The following NKAIN3 variants were observed in gnomAD, a reference collection of about 807,000 sequenced individuals.
NKAIN3 encodes sodium/potassium-transporting ATPase subunit beta-1-interacting protein 3.
NKAIN3 carries 25 observed loss-of-function variants against 30.2 expected under a neutral mutation model. The ratio of observed to expected loss-of-function variants is 0.83; its 90% CI spans 0.60 to 1.16. NKAIN3 has a LOEUF of 1.16. NKAIN3 is among the 50% of genes most tolerant of loss of function. The pLI, the probability that NKAIN3 is intolerant of heterozygous loss-of-function variation, is 0.00. For synonymous variants in NKAIN3, 91 were observed against 89.6 expected (o/e 1.02, Z -0.09); for missense variants, 225 against 254.1 (o/e 0.89, Z 0.78).
chr8:62,495,490 G>A (rs530074730), intron 1 of NKAIN3, among the ~76,000 whole-genome samples: 2 of 151,090 alleles, frequency 1.3e-5, no homozygotes, highest in African/African-American at 4.8e-5. Context: ...TGGTTAAAGT[G>A]TTATGAAGAA....
intron 1 of NKAIN3, among the ~76,000 whole-genome samples, chr8:62,276,674 A>G (rs545908525): frequency 2.0e-5 from 3 of 152,202 alleles, no homozygotes; most frequent in Non-Finnish European, 4.4e-5. Context: ...CTTTTTCAAG[A>G]TAGAAAAAAG....
At chr8:62,557,163 G>T (rs529380709) in intron 1 of NKAIN3, among the ~76,000 whole-genome samples, 2 of 152,114 alleles carry the variant, frequency 1.3e-5, no homozygotes, top group East Asian at 3.9e-4. Context: ...TATGATGTTT[G>T]GTTTTCCATT....
chr8:62,424,127 A>G (rs1476321013), intron 1 of NKAIN3, among the ~76,000 whole-genome samples: 2 of 152,028 alleles, frequency 1.3e-5, no homozygotes, highest in African/African-American at 2.4e-5. Flanking sequence ...GAAGAATGAA[A>G]TCGGACCATT....
intron 1 of NKAIN3, among the ~76,000 whole-genome samples, chr8:62,561,986 C>G (rs1281477858): frequency 6.6e-6 from 1 of 152,036 alleles, no homozygotes; most frequent in Non-Finnish European, 1.5e-5. Flanking sequence ...TGGATTCTTC[C>G]TGGAAGCAAG....
At chr8:62,868,249 C>G (rs1372339409) in intron 4 of NKAIN3, among the ~76,000 whole-genome samples, 1 of 152,070 alleles carries the variant, frequency 6.6e-6, no homozygotes, top group Non-Finnish European at 1.5e-5. Context: ...GGCATAAGAA[C>G]TTTAATGAAA....
Position 62,320,759 on chromosome 8 carries a change from C to T in NKAIN3, c.54+71632C>T, listed in dbSNP as rs370595327. ...ATCCCGACCTTTCTCTCTGTTTGCC[C>T]TTAACATTTTTTCCTTCATTTCAAC... On this transcript the variant is annotated intron_variant, in intron 1 of 6. Coordinates refer to ENST00000623646, the MANE Select transcript of NKAIN3 (RefSeq NM_001304533.3). Among the ~76,000 whole-genome samples the T allele has an allele frequency of 2.6e-5, 4 of 152,280 alleles. No individual in the cohort carries two copies. The East Asian group carries it at 5.8e-4, about 22-fold the overall frequency.
intron 4 of NKAIN3, among the ~76,000 whole-genome samples, chr8:62,911,757 C>T (rs192823804): frequency 1.6e-3 from 251 of 152,138 alleles, no homozygotes; most frequent in African/African-American, 5.7e-3. Context: ...GAAGTAAGTT[C>T]TCCAAAGTAA....
chr8:62,345,298 T>TATATACACATATATGTATATATACAC (rs1356364594), intron 1 of NKAIN3, among the ~76,000 whole-genome samples: 71 of 131,844 alleles, frequency 5.4e-4, no homozygotes, highest in African/African-American at 1.9e-3. Flanking sequence ...TATACACACA[T>TATATACACATATATGTATATATACAC]ATATATGTAT....
intron 3 of NKAIN3, among the ~76,000 whole-genome samples, chr8:62,741,742 C>G (rs1318747941): frequency 6.6e-6 from 1 of 152,258 alleles, no homozygotes; most frequent in East Asian, 1.9e-4. Flanking sequence ...TATGATGGCT[C>G]CATGTCAGGT....
chr8:62,724,137 C>T (rs919173670), intron 3 of NKAIN3, among the ~76,000 whole-genome samples: 31 of 152,014 alleles, frequency 2.0e-4, no homozygotes, highest in African/African-American at 7.0e-4. Flanking sequence ...TTTTTAAGCA[C>T]GGTTCATTTC....
chr8:62,807,967 A>G (rs1358037535), intron 4 of NKAIN3, among the ~76,000 whole-genome samples: 1 of 152,078 alleles, frequency 6.6e-6, no homozygotes, highest in East Asian at 1.9e-4. Flanking sequence ...AAAGAAAATT[A>G]TTTTCAAATT....
At chr8:62,594,779 T>TCCTTCCTCCCTC (rs1189672584) in intron 3 of NKAIN3, among the ~76,000 whole-genome samples, 48 of 151,638 alleles carry the variant, frequency 3.2e-4, no homozygotes, top group African/African-American at 1.1e-3. Flanking sequence ...TTCTTTCTTT[T>TCCTTCCTCCCTC]CCTTCCTTCC....
intron 5 of NKAIN3, among the ~76,000 whole-genome samples, chr8:62,926,338 C>G (rs1035692532): frequency 3.9e-5 from 6 of 152,328 alleles, no homozygotes; most frequent in South Asian, 2.1e-4. Flanking sequence ...AACAACCCCC[C>G]TTCTCAACGG....
At chr8:62,268,379 G>C (rs548408511) in intron 1 of NKAIN3, among the ~76,000 whole-genome samples, 1 of 152,208 alleles carries the variant, frequency 6.6e-6, no homozygotes, top group African/African-American at 2.4e-5. Context: ...TCTTCCCCTG[G>C]ATCAATCCCT....
intron 3 of NKAIN3, among the ~76,000 whole-genome samples, chr8:62,715,327 A>G (rs1814860008): frequency 6.6e-6 from 1 of 152,284 alleles, no homozygotes; most frequent in African/African-American, 2.4e-5. Context: ...CAGGTTGACT[A>G]ATGTGATAAT....
Position 62,343,123 on chromosome 8 carries a change from G to A in NKAIN3, c.54+93996G>A, listed in dbSNP as rs1372738602. On this transcript the variant is annotated intron_variant, in intron 1 of 6. Coordinates refer to ENST00000623646, the MANE Select transcript of NKAIN3 (RefSeq NM_001304533.3). ...TTAATCCTTCAGAAATCACTTTGGA[G>A]CCTGCATAAGAGTACATACTCCAGA... 2.6e-5 allele frequency among the ~76,000 whole-genome samples: 4 copies of A among 152,062 alleles called. No individual in the cohort carries two copies. In the East Asian group the frequency reaches 5.8e-4, roughly 22 times the overall value.
intron 1 of NKAIN3, among the ~76,000 whole-genome samples, chr8:62,550,233 T>C (rs139270482): frequency 9.2e-5 from 14 of 152,356 alleles, no homozygotes; most frequent in African/African-American, 3.4e-4. Context: ...CTCCCCTTTT[T>C]TCCTTTGATA....
intron 1 of NKAIN3, among the ~76,000 whole-genome samples, chr8:62,558,291 T>C (rs1030012268): frequency 1.3e-5 from 2 of 152,154 alleles, no homozygotes; most frequent in Non-Finnish European, 2.9e-5. Context: ...ACCACTACCA[T>C]GCTGTTTCAG....
At chr8:62,262,247 A>G (rs1812464726) in intron 1 of NKAIN3, among the ~76,000 whole-genome samples, 1 of 152,016 alleles carries the variant, frequency 6.6e-6, no homozygotes, top group African/African-American at 2.4e-5. Context: ...CTCATTATTG[A>G]CATCTATTTT....
Sources: gnomAD v4.1 joint callset for allele counts (sites outside exome capture counted in the v4.1 genomes callset) on GRCh38, gnomAD v4.1.1 for gene constraint, MANE v1.5 for transcripts, NCBI Gene and HGNC (gene_info 2026-07-23, HGNC 2026-07-21) for gene names.